AK7: variants seen among roughly 807,000 people sequenced by gnomAD.
The protein encoded by AK7 is adenylate kinase 7.
Under a neutral mutation model 96.6 loss-of-function variants are expected in AK7, and 78 were observed. That is an observed-to-expected ratio of 0.81 (90% CI 0.67 to 0.97). The LOEUF is 0.97. AK7 is among the 50% of genes least tolerant of loss of function. The pLI is 0.00. For synonymous variants in AK7, 302 were observed against 317.2 expected (o/e 0.95, Z 0.51); for missense variants, 855 against 887.9 (o/e 0.96, Z 0.47).
In AK7 at chr14:96,437,932, T is replaced by A; in HGVS notation, c.690+17T>A. 1.2e-6 allele frequency: 2 copies of A among 1,604,310 alleles called. No individual in the cohort carries two copies. ...TTTTTTAAGGTATGGCTTTCAATGA[T>A]GACGTGGAATGTTTAAAAGTGTCTT... On this transcript the variant is annotated intron_variant, in intron 6 of 17. Coordinates refer to ENST00000267584, the MANE Select transcript of AK7 (RefSeq NM_152327.5).
At chr14:96,435,700 A>G (rs1892598619) in intron 5 of AK7, among the ~76,000 whole-genome samples, 2 of 152,108 alleles carry the variant, frequency 1.3e-5, no homozygotes, top group Non-Finnish European at 1.5e-5. Context: ...GTTTGGAGGC[A>G]CTTAAATTAC....
intron 12 of AK7, among the ~76,000 whole-genome samples, chr14:96,469,732 G>A (rs1274363488): frequency 6.6e-6 from 1 of 152,140 alleles, no homozygotes; most frequent in African/African-American, 2.4e-5. Context: ...ATTTCTGAAA[G>A]ACAGTTATTT....
At chr14:96,392,947 C>A (rs8021734) in intron 1 of AK7, among the ~76,000 whole-genome samples, 137,861 of 152,244 alleles carry the variant, frequency 0.91, 62,895 homozygotes, top group African/African-American at 0.97. Flanking sequence ...CGAGTAAATC[C>A]AAAAGGGATT....
Position 96,408,924 on chromosome 14 carries a change from T to G in AK7, c.481T>G (p.Ser161Ala), listed in dbSNP as rs756238968. Residue 161 changes from serine to alanine, a missense_variant, in exon 4 of 18, where the codon TCC becomes GCC. Physicochemically the swap from Ser to Ala is moderately conservative, Grantham distance 99 (BLOSUM62 1). Coordinates refer to ENST00000267584, the MANE Select transcript of AK7 (RefSeq NM_152327.5). Reference protein sequence around the residue: ...LLSTVMTWARSKALDPEDSEV... With the variant: ...LLSTVMTWARAKALDPEDSEV... ...GTCGACGGTGATGACTTGGGCGCGC[T>G]CCAAAGCCCTGGACCCCGTAAGTAG... is the stretch of plus-strand genomic sequence containing the variant. 1 of 1,614,222 alleles carries G rather than the reference T, an allele frequency of 6.2e-7. No individual in the cohort carries two copies. Among genetic ancestry groups the G allele is most frequent in the Non-Finnish European group, 8.5e-7 (1 of 1,180,030 alleles).
chr14:96,487,051 T>C lies in AK7; in HGVS notation c.2128T>C (p.Phe710Leu). The change falls in exon 17 of 18, where the codon TTT becomes CTT. Residue 710 changes from phenylalanine to leucine, a missense_variant. Physicochemically the swap from Phe to Leu is conservative, Grantham distance 22. Transcript: ENST00000267584. ...CNVRPEDPVD[F>L]LAEYLFKNNP... The stretch of plus-strand genomic sequence containing the variant: ...CGTCCGACCCGAAGACCCTGTTGAT[T>C]TTCTGGTAACATATTTAATTTTTAA... The C allele has an allele frequency of 1.9e-6, 3 of 1,613,786 alleles. No homozygotes were observed. Among genetic ancestry groups the C allele is most frequent in the Non-Finnish European group, 2.5e-6 (3 of 1,179,954 alleles).
intron 10 of AK7, among the ~76,000 whole-genome samples, chr14:96,451,963 A>G (rs1244781913): frequency 6.6e-6 from 1 of 152,196 alleles, no homozygotes; most frequent in African/African-American, 2.4e-5. Context: ...AAAAATATCA[A>G]CTGCCTTACT....
intron 4 of AK7, among the ~76,000 whole-genome samples, chr14:96,414,493 T>G (rs1296275489): frequency 1.3e-5 from 2 of 152,224 alleles, no homozygotes; most frequent in Non-Finnish European, 2.9e-5. Context: ...ACACGGGCTT[T>G]CTTTCTTTGT....
chr14:96,481,917 C>G (rs1424830806), intron 15 of AK7, among the ~76,000 whole-genome samples: 1 of 151,958 alleles, frequency 6.6e-6, no homozygotes, highest in Non-Finnish European at 1.5e-5. Context: ...GTTGGCCAGG[C>G]TGGTCTTGAA....
chr14:96,419,310 GA>G (rs1328016601), intron 4 of AK7, among the ~76,000 whole-genome samples: 2 of 152,114 alleles, frequency 1.3e-5, no homozygotes, highest in East Asian at 1.9e-4. Context: ...GAAAAAAAAA[GA>G]AAAAAACAAT....
intron 3 of AK7, among the ~76,000 whole-genome samples, chr14:96,408,420 G>C (rs1890847928): frequency 6.6e-6 from 1 of 152,216 alleles, no homozygotes; most frequent in South Asian, 2.1e-4. Context: ...TCTCATAGTG[G>C]GGGGAATTCA....
intron 2 of AK7, 106 bp downstream of exon 2, chr14:96,398,369 C>A: frequency 1.7e-6 from 2 of 1,200,860 alleles, no homozygotes; most frequent in Non-Finnish European, 2.4e-6. Context: ...CCCTCTCTTC[C>A]ACAGACATGG....
intron 5 of AK7, among the ~76,000 whole-genome samples, chr14:96,432,489 C>G (rs1892407986): frequency 1.3e-5 from 2 of 152,120 alleles, no homozygotes; most frequent in African/African-American, 4.8e-5. Flanking sequence ...CATCGATGGT[C>G]TTTACAATTT....
chr14:96,474,795 G>A (rs1895087089), intron 14 of AK7, among the ~76,000 whole-genome samples: 1 of 152,198 alleles, frequency 6.6e-6, no homozygotes, highest in Non-Finnish European at 1.5e-5. Context: ...CATCCAGGCA[G>A]CTGGATACAT....
At position 96,460,657 on chromosome 14, in the gene AK7, CT is replaced by C. The variant is rs1894203705; in HGVS notation, c.1357+2446del. On this transcript the variant is annotated intron_variant, in intron 12 of 17. Coordinates refer to ENST00000267584, the MANE Select transcript of AK7 (RefSeq NM_152327.5). The stretch of plus-strand genomic sequence containing the variant: ...GGTTGTCCTCTTCCCAGCTACTCAC[CT>C]CCACCTGGGTTGGAGACCTAGTTTC... Among the ~76,000 whole-genome samples the C allele has an allele frequency of 3.3e-5, 5 of 152,296 alleles. No homozygotes were observed. In the South Asian group the frequency reaches 1.0e-3, roughly 32 times the overall value.
At chr14:96,440,598 C>T (rs1892910669) in intron 6 of AK7, among the ~76,000 whole-genome samples, 1 of 152,152 alleles carries the variant, frequency 6.6e-6, no homozygotes, top group South Asian at 2.1e-4. Context: ...ACAGTCATCC[C>T]CAAACCTGCT....
chr14:96,472,307 G>A (rs1260444517), intron 13 of AK7, among the ~76,000 whole-genome samples: 1 of 152,086 alleles, frequency 6.6e-6, no homozygotes, highest in South Asian at 2.1e-4. Context: ...GACTACAGGC[G>A]TGCATGACCA....
intron 4 of AK7, among the ~76,000 whole-genome samples, chr14:96,418,322 T>TAAAAAAAAAAAAAAAAAAAGAAAAAAAAA (rs6145458): frequency 2.4e-5 from 1 of 41,820 alleles, no homozygotes; most frequent in Non-Finnish European, 4.5e-5. Context: ...AGACCTTGTC[T>TAAAAAAAAAAAAAAAAAAAGAAAAAAAAA]AAAAAAAAAA....
chr14:96,441,008 A>G (rs2140090060), intron 6 of AK7, among the ~76,000 whole-genome samples: 1 of 151,780 alleles, frequency 6.6e-6, no homozygotes, highest in East Asian at 2.0e-4. Flanking sequence ...GCAAAAAATA[A>G]ATAAAAGGTG....
At chr14:96,426,953 A>G (rs572638572) in intron 5 of AK7, among the ~76,000 whole-genome samples, 1 of 152,328 alleles carries the variant, frequency 6.6e-6, no homozygotes, top group Admixed American at 6.5e-5. Context: ...TTTATAAAGA[A>G]AAGAGGTTTA....
Sources: allele counts gnomAD v4.1 joint callset (sites outside exome capture counted in the v4.1 genomes callset), GRCh38; gene constraint gnomAD v4.1.1; transcripts MANE v1.5; gene names NCBI Gene and HGNC (gene_info 2026-07-23, HGNC 2026-07-21).